The following ATP6V0A2 variants were observed in gnomAD, a reference collection of about 807,000 sequenced individuals.
The protein encoded by ATP6V0A2 is ATPase H+ transporting V0 subunit a2, also known as V-type proton ATPase 116 kDa subunit a 2.
Under a neutral mutation model 104.4 loss-of-function variants are expected in ATP6V0A2, and 58 were observed. The ratio of observed to expected loss-of-function variants is 0.56; its 90% CI spans 0.45 to 0.69. The LOEUF (loss-of-function observed/expected upper bound fraction) is 0.69, where lower values mean the gene tolerates loss of function less well. ATP6V0A2 is among the 30% of genes least tolerant of loss of function. The pLI, the probability that ATP6V0A2 is intolerant of heterozygous loss-of-function variation, is 0.00. For missense variants in ATP6V0A2, 938 were observed against 1,062.9 expected, an observed-to-expected ratio of 0.88 and a Z score of 1.63; for synonymous variants, 376 against 397.9, an observed-to-expected ratio of 0.95 and a Z score of 0.65.
At chr12:123,714,798 A>G (rs1330356402) in intron 1 of ATP6V0A2, among the ~76,000 whole-genome samples, 3 of 152,092 alleles carry the variant, frequency 2.0e-5, no homozygotes, top group Admixed American at 6.6e-5. Flanking sequence ...AAAAGTTAAT[A>G]TGTCTGGGCA....
At chr12:123,725,883 C>T (rs1246071531) in intron 4 of ATP6V0A2, among the ~76,000 whole-genome samples, 1 of 151,954 alleles carries the variant, frequency 6.6e-6, no homozygotes, top group Non-Finnish European at 1.5e-5. Context: ...GAGACAAGTG[C>T]ATCTGTTCCA....
intron 8 of ATP6V0A2, 139 bp downstream of exon 8, chr12:123,735,763 C>T (rs1435288579): frequency 2.6e-6 from 2 of 776,332 alleles, no homozygotes; most frequent in Admixed American, 4.1e-5. Context: ...ATGTTGCTTC[C>T]CTCCCTCCTC....
rs1303571197 is a variant in ATP6V0A2, at chr12:123,760,507, A to C, written c.*2475A>C. ...ATTATGTATCCAGTTTTTAAAACAT[A>C]CTTCATTCCCTTGATAGCAGAGATC... On this transcript the variant is annotated 3_prime_UTR_variant, in exon 20 of 20. Transcript: ENST00000330342. 1.3e-5 allele frequency: 2 copies of C among 152,208 alleles called. No individual in the cohort carries two copies. Among genetic ancestry groups the C allele is most frequent in the Non-Finnish European group, 2.9e-5 (2 of 68,040 alleles). The allele number at this position is 152,208 out of a possible 1,614,324, so 9.4% of individuals were successfully genotyped here.
intron 13 of ATP6V0A2, among the ~76,000 whole-genome samples, chr12:123,745,745 G>A (rs914275241): frequency 3.3e-5 from 5 of 152,026 alleles, no homozygotes; most frequent in Non-Finnish European, 7.4e-5. Context: ...AGTAGCCCCA[G>A]GGTGCCAGGA....
At chr12:123,754,265 C>T (rs955348012) in intron 17 of ATP6V0A2, 155 bp from the exon 18 acceptor site, 15 of 672,138 alleles carry the variant, frequency 2.2e-5, no homozygotes, top group Non-Finnish European at 3.2e-5. Context: ...GAACAGAGTG[C>T]GTCTGGGGTT....
At chr12:123,736,922 G>A in intron 8 of ATP6V0A2, 137 bp from the exon 9 acceptor site, 1 of 865,184 alleles carries the variant, frequency 1.2e-6, no homozygotes, top group Non-Finnish European at 1.9e-6. Context: ...GGCTCCCTTA[G>A]CTGCCACCAG....
Position 123,722,415 on chromosome 12 carries a change from T to C in ATP6V0A2, c.261T>C (p.Pro87=), listed in dbSNP as rs747914410. ...TTCCTGAAGGAGAGGCCAGCCCTCC[T>C]GCGCCACCCCTGAAACAGGTTCTAG... The part of the protein sequence containing the change: ...IPLPEGEASP[P]APPLKQVLEM... Residue 87 remains proline, a synonymous_variant, in exon 3 of 20, where the codon CCT becomes CCC. Transcript: ENST00000330342. 8 of 1,612,586 alleles carry C rather than the reference T, an allele frequency of 5.0e-6. No individual in the cohort carries two copies. The African/African-American group carries it at 1.1e-4, about 22-fold the overall frequency.
chr12:123,722,994 C>T (rs947595540), intron 3 of ATP6V0A2, among the ~76,000 whole-genome samples: 22 of 152,138 alleles, frequency 1.4e-4, no homozygotes, highest in African/African-American at 5.1e-4. Context: ...CATGTGTCCC[C>T]GGTGAGAACA....
chr12:123,749,378 C>T (rs1956693379), intron 15 of ATP6V0A2, among the ~76,000 whole-genome samples: 1 of 152,148 alleles, frequency 6.6e-6, no homozygotes, highest in Non-Finnish European at 1.5e-5. Flanking sequence ...AAGGGACCAC[C>T]TGGATCACAG....
chr12:123,712,947 C>T (rs1245956696), intron 1 of ATP6V0A2, among the ~76,000 whole-genome samples: 4 of 152,170 alleles, frequency 2.6e-5, no homozygotes, highest in Non-Finnish European at 4.4e-5. Flanking sequence ...CAGCTCCGGG[C>T]ACCGAGCTCA....
At chr12:123,726,400 A>G in intron 5 of ATP6V0A2, 115 bp downstream of exon 5, 1 of 767,380 alleles carries the variant, frequency 1.3e-6, no homozygotes, top group Non-Finnish European at 2.3e-6. Context: ...TGAATGAAAC[A>G]TAGTGAATAT....
In ATP6V0A2 at chr12:123,724,781, G is replaced by T. The variant is rs143509747; in HGVS notation, c.422G>T (p.Arg141Leu). The change falls in exon 4 of 20, where the codon CGC becomes CTC. Residue 141 changes from arginine to leucine, a missense_variant. Transcript: ENST00000330342. ...AGAGTGACAAAGACCTTTGTGAAAC[G>T]CAATGTTGAGGTACTGAACAGCTCG... ...MLRVTKTFVK[R>L]NVEFEPTYEE... 617 of 1,613,336 alleles carry T rather than the reference G, an allele frequency of 3.8e-4. 3 individuals carry two copies. The highest frequency in any genetic ancestry group is 4.8e-4 in the Non-Finnish European group (568 of 1,179,596).
At chr12:123,715,521 A>C (rs1956331235) in intron 1 of ATP6V0A2, among the ~76,000 whole-genome samples, 1 of 152,210 alleles carries the variant, frequency 6.6e-6, no homozygotes, top group Non-Finnish European at 1.5e-5. Flanking sequence ...GTTTCATGTC[A>C]AGTTGTATCT....
chr12:123,737,139 G>A lies in ATP6V0A2; in HGVS notation c.906G>A (p.Val302=). ...AESVYSRVIQ[V]KKMKAIYHML... The stretch of plus-strand genomic sequence containing the variant: ...CTGTCTACAGCCGTGTGATCCAGGT[G>A]AAGAAAATGAAGGCCATCTATCACA... The change falls in exon 9 of 20, where the codon GTG becomes GTA. Residue 302 remains valine (V), a synonymous_variant. Transcript: ENST00000330342. 1 of 1,614,206 alleles carries A rather than the reference G, an allele frequency of 6.2e-7. No homozygotes were observed. The highest frequency in any genetic ancestry group is 8.5e-7 in the Non-Finnish European group (1 of 1,180,040).
chr12:123,726,417 A>G (rs1956449715), intron 5 of ATP6V0A2, 132 bp downstream of exon 5: 2 of 714,816 alleles, frequency 2.8e-6, no homozygotes, highest in East Asian at 5.3e-5. Context: ...ATATTTGTTT[A>G]AGAAACACTG....
chr12:123,715,701 A>G (rs1956332656), intron 1 of ATP6V0A2, among the ~76,000 whole-genome samples: 1 of 152,256 alleles, frequency 6.6e-6, no homozygotes, highest in Admixed American at 6.5e-5. Context: ...CATACCTTGC[A>G]TGATCCCAAC....
intron 1 of ATP6V0A2, among the ~76,000 whole-genome samples, chr12:123,713,471 A>C (rs1474596582): frequency 6.6e-6 from 1 of 152,096 alleles, no homozygotes; most frequent in Non-Finnish European, 1.5e-5. Context: ...TCTGAGAGTA[A>C]GTACCTTAAC....
intron 13 of ATP6V0A2, 73 bp downstream of exon 13, chr12:123,745,045 C>T: frequency 7.0e-7 from 1 of 1,430,172 alleles, no homozygotes; most frequent in Non-Finnish European, 9.9e-7. Flanking sequence ...CCACGAGTTT[C>T]TCTAGACTGT....
intron 13 of ATP6V0A2, among the ~76,000 whole-genome samples, chr12:123,746,808 A>C (rs10744161): frequency 2.0e-5 from 3 of 151,438 alleles, no homozygotes; most frequent in Admixed American, 1.3e-4. Context: ...TCAGCCAGGC[A>C]TGCTGGTCCA....
Sources: allele counts gnomAD v4.1 joint callset (sites outside exome capture counted in the v4.1 genomes callset), GRCh38; gene constraint gnomAD v4.1.1; transcripts MANE v1.5; gene names NCBI Gene and HGNC (gene_info 2026-07-23, HGNC 2026-07-21).